SEMA3E: variants seen among roughly 807,000 people sequenced by gnomAD.
The protein encoded by SEMA3E is semaphorin 3E, also known as semaphorin-3E.
A neutral mutation model predicts 93.6 loss-of-function variants in SEMA3E; 49 were observed. The observed-to-expected ratio is 0.52, with a 90% CI of 0.42 to 0.66. The LOEUF (loss-of-function observed/expected upper bound fraction) is 0.66, where lower values mean the gene tolerates loss of function less well. SEMA3E is among the 30% of genes least tolerant of loss of function. The pLI, the probability that SEMA3E is intolerant of heterozygous loss-of-function variation, is 0.00. For missense variants in SEMA3E, 906 were observed against 964.8 expected (o/e 0.94, Z 0.81); for synonymous variants, 363 against 330.7 (o/e 1.10, Z -1.06).
At chr7:83,497,162 C>A (rs942522683) in intron 1 of SEMA3E, among the ~76,000 whole-genome samples, 1 of 152,078 alleles carries the variant, frequency 6.6e-6, no homozygotes, top group African/African-American at 2.4e-5. Context: ...TTCCTTTTAA[C>A]CTGCAAGAGA....
intron 1 of SEMA3E, among the ~76,000 whole-genome samples, chr7:83,580,951 T>A (rs1272666569): frequency 1.3e-5 from 2 of 151,952 alleles, no homozygotes; most frequent in Admixed American, 6.6e-5. Flanking sequence ...TTATTGCAGT[T>A]CATTATATTC....
At chr7:83,418,876 T>C (rs1185475656) in intron 4 of SEMA3E, among the ~76,000 whole-genome samples, 1 of 109,698 alleles carries the variant, frequency 9.1e-6, no homozygotes, top group Non-Finnish European at 2.1e-5. Context: ...TCAAGAATGC[T>C]GTTGTTGATT....
chr7:83,523,502 C>G (rs1205664027), intron 1 of SEMA3E, among the ~76,000 whole-genome samples: 1 of 152,030 alleles, frequency 6.6e-6, no homozygotes, highest in Non-Finnish European at 1.5e-5. Context: ...AATCAAACAG[C>G]CCTATCCTGT....
chr7:83,469,324 T>C, intron 2 of SEMA3E, 22 bp from the exon 3 acceptor site: 1 of 1,537,640 alleles, frequency 6.5e-7, no homozygotes, highest in Non-Finnish European at 9.0e-7. Context: ...GATAATGTAC[T>C]ATTATGACAA....
rs368638422 is a variant in SEMA3E at position 83,429,896 on chromosome 7, G to GA, written c.457-11414dup. 2.5e-4 allele frequency among the ~76,000 whole-genome samples: 37 copies of GA among 147,550 alleles called. 1 individual carries two copies. Among genetic ancestry groups the GA allele is most frequent in the East Asian group, 1.2e-3 (6 of 5,082 alleles). On this transcript the variant is annotated intron_variant, in intron 4 of 16. Transcript: ENST00000643230. Reference sequence around the variant, plus strand: ...ATGCTGTTTAAAAATGACTTTGCTGGAAAAAAAAAATGACTTCACTGATAT... The same window carrying GA: ...ATGCTGTTTAAAAATGACTTTGCTGGAAAAAAAAAAATGACTTCACTGATAT...
intron 1 of SEMA3E, among the ~76,000 whole-genome samples, chr7:83,505,770 C>T (rs1291136493): frequency 6.6e-6 from 1 of 151,954 alleles, no homozygotes; most frequent in Admixed American, 6.6e-5. Context: ...AATCCCAGCA[C>T]TTTGGGATGC....
intron 1 of SEMA3E, among the ~76,000 whole-genome samples, chr7:83,625,453 T>C (rs1246601636): frequency 6.6e-6 from 1 of 152,178 alleles, no homozygotes; most frequent in Non-Finnish European, 1.5e-5. Flanking sequence ...GCTTGTAAGC[T>C]GTATTCCTAT....
intron 1 of SEMA3E, among the ~76,000 whole-genome samples, chr7:83,500,159 C>T (rs546388397): frequency 3.3e-5 from 5 of 152,226 alleles, no homozygotes; most frequent in East Asian, 3.9e-4. Context: ...TAAAAGAGGC[C>T]GGGCGTGGCG....
chr7:83,625,711 T>C (rs1033874293), intron 1 of SEMA3E, among the ~76,000 whole-genome samples: 2 of 151,938 alleles, frequency 1.3e-5, no homozygotes, highest in Non-Finnish European at 2.9e-5. Flanking sequence ...TTCTCTGGCA[T>C]GATTGCCCTG....
intron 1 of SEMA3E, among the ~76,000 whole-genome samples, chr7:83,636,715 T>A (rs1793889138): frequency 6.6e-6 from 1 of 152,142 alleles, no homozygotes; most frequent in African/African-American, 2.4e-5. Context: ...TAGAGTCATG[T>A]TCCCAGTGGA....
intron 1 of SEMA3E, among the ~76,000 whole-genome samples, chr7:83,621,009 A>G (rs1012785542): frequency 6.6e-6 from 1 of 152,196 alleles, no homozygotes; most frequent in African/African-American, 2.4e-5. Flanking sequence ...ATCAGGGAAC[A>G]TAAAGAAATA....
At chr7:83,525,416 A>T (rs1791135319) in intron 1 of SEMA3E, among the ~76,000 whole-genome samples, 3 of 152,152 alleles carry the variant, frequency 2.0e-5, no homozygotes, top group Non-Finnish European at 4.4e-5. Flanking sequence ...TTTAATTACT[A>T]AAAAAAGTAT....
At chr7:83,444,923 G>A (rs1789194607) in intron 4 of SEMA3E, among the ~76,000 whole-genome samples, 1 of 152,072 alleles carries the variant, frequency 6.6e-6, no homozygotes, top group Admixed American at 6.6e-5. Context: ...CGCCCGTTTT[G>A]GCCTCCCAAA....
At position 83,427,056 on chromosome 7, in the gene SEMA3E, GTTT is replaced by G. The variant is rs1201280407; in HGVS notation, c.457-8576_457-8574del. Among the ~76,000 whole-genome samples, 25 of 152,124 alleles carry G rather than the reference GTTT, an allele frequency of 1.6e-4. No homozygotes were observed. The East Asian group carries it at 4.1e-3, about 25-fold the overall frequency. On this transcript the variant is annotated intron_variant, in intron 4 of 16. Coordinates refer to ENST00000643230, the MANE Select transcript of SEMA3E (RefSeq NM_012431.3). ...AAATCAAAGATTGAAATATAAAAAT[GTTT>G]ATTTTATCCCCAAAGACCTTGTTAG...
chr7:83,427,837 T>C (rs1788803177), intron 4 of SEMA3E, among the ~76,000 whole-genome samples: 1 of 152,200 alleles, frequency 6.6e-6, no homozygotes, highest in Non-Finnish European at 1.5e-5. Context: ...GTAATGTTGG[T>C]GTTTAACCCT....
At chr7:83,594,462 G>A (rs1160758131) in intron 1 of SEMA3E, among the ~76,000 whole-genome samples, 2 of 152,082 alleles carry the variant, frequency 1.3e-5, no homozygotes, top group East Asian at 3.9e-4. Context: ...AATCAGTGCT[G>A]GAATTTAAAG....
chr7:83,397,863 C>G (rs1788155061), intron 11 of SEMA3E, among the ~76,000 whole-genome samples: 1 of 152,082 alleles, frequency 6.6e-6, no homozygotes, highest in African/African-American at 2.4e-5. Context: ...TAACAGTTAC[C>G]TGTATTGTAC....
rs564299690 is a variant in SEMA3E, at chr7:83,461,041, C to G, written c.456+5441G>C. 1.4e-3 allele frequency among the ~76,000 whole-genome samples: 211 copies of G among 152,172 alleles called. 1 individual carries two copies. The highest frequency in any genetic ancestry group is 3.7e-3 in the African/African-American group (152 of 41,524). On this transcript the variant is annotated intron_variant, in intron 4 of 16. Transcript: ENST00000643230. ...AATGCCTTATTTTCTTCTGCCATGC[C>G]GCTTGACCCCAATACAAACTGGACA...
At chr7:83,624,746 A>G (rs1793635885) in intron 1 of SEMA3E, among the ~76,000 whole-genome samples, 1 of 152,066 alleles carries the variant, frequency 6.6e-6, no homozygotes, top group South Asian at 2.1e-4. Context: ...ACATTTGTCA[A>G]TTTCAGCTTT....
Sources: allele counts gnomAD v4.1 joint callset (sites outside exome capture counted in the v4.1 genomes callset), GRCh38; gene constraint gnomAD v4.1.1; transcripts MANE v1.5; gene names NCBI Gene and HGNC (gene_info 2026-07-23, HGNC 2026-07-21).